PLPPR1: variants seen among roughly 807,000 people sequenced by gnomAD.
PLPPR1 encodes phospholipid phosphatase related 1, also known as phospholipid phosphatase-related protein type 1.
PLPPR1 carries 10 observed loss-of-function variants against 33.1 expected under a neutral mutation model. The ratio of observed to expected loss-of-function variants is 0.30; its 90% CI spans 0.19 to 0.51. The LOEUF is 0.51. Among genes scored for constraint, PLPPR1 ranks in the 20% least tolerant of loss-of-function variants. The pLI is 0.97. For missense variants in PLPPR1, 304 were observed against 408.1 expected (o/e 0.74, Z 2.20); for synonymous variants, 151 against 151.0 (o/e 1.00, Z 0.00).
chr9:101,274,966 C>T (rs1396332965), intron 3 of PLPPR1, among the ~76,000 whole-genome samples: 1 of 152,198 alleles, frequency 6.6e-6, no homozygotes, highest in East Asian at 1.9e-4. Flanking sequence ...AATGAACATT[C>T]TCATCAGAAG....
intron 2 of PLPPR1, among the ~76,000 whole-genome samples, chr9:101,193,350 C>T (rs763956900): frequency 2.0e-5 from 3 of 152,090 alleles, no homozygotes; most frequent in Non-Finnish European, 4.4e-5. Context: ...CCATCCTGCC[C>T]TTTCAGAGAT....
rs575811752 is a variant in PLPPR1 at position 101,068,077 on chromosome 9, T to C, written c.-46+38975T>C. Among the ~76,000 whole-genome samples, 4 of 152,214 alleles carry C rather than the reference T, an allele frequency of 2.6e-5. No homozygotes were observed. In the South Asian group the frequency reaches 8.3e-4, roughly 31 times the overall value. ...ACAAAAGCCTATTCAGAAAATAATA[T>C]GGTTGATCCACTATTATAAGGGCAA... On this transcript the variant is annotated intron_variant, in intron 1 of 7. Coordinates refer to ENST00000374874, the MANE Select transcript of PLPPR1 (RefSeq NM_207299.2).
chr9:101,273,382 T>C lies in PLPPR1; in HGVS notation c.252+3314T>C, dbSNP rs1828132831. On this transcript the variant is annotated intron_variant, in intron 3 of 7. Transcript: ENST00000374874. ...CCCGGAAACTATGCCTATGGAGTTG[T>C]TACACCATATATTGACTCCTACAGG... Among the ~76,000 whole-genome samples, 9 of 152,334 alleles carry C rather than the reference T, an allele frequency of 5.9e-5. No homozygotes were observed. In the South Asian group the frequency reaches 1.9e-3, roughly 32 times the overall value.
chr9:101,085,211 C>T (rs575377648), intron 1 of PLPPR1, among the ~76,000 whole-genome samples: 1 of 152,250 alleles, frequency 6.6e-6, no homozygotes, highest in South Asian at 2.1e-4. Context: ...GTCCAGATGG[C>T]ATTCATATCC....
intron 2 of PLPPR1, among the ~76,000 whole-genome samples, chr9:101,266,119 G>C (rs574678832): frequency 5.1e-4 from 77 of 151,172 alleles, no homozygotes; most frequent in African/African-American, 1.8e-3. Context: ...CAGGGAGTTT[G>C]AGGATTGCTT....
chr9:101,124,967 AG>A (rs1219044329), intron 1 of PLPPR1, among the ~76,000 whole-genome samples: 4 of 152,232 alleles, frequency 2.6e-5, no homozygotes, highest in African/African-American at 9.6e-5. Context: ...TGGAGAGAAA[AG>A]AAAGAGCATT....
intron 2 of PLPPR1, among the ~76,000 whole-genome samples, chr9:101,257,400 C>A (rs1305747095): frequency 6.6e-6 from 1 of 152,134 alleles, no homozygotes; most frequent in Non-Finnish European, 1.5e-5. Flanking sequence ...ACTTATTCAA[C>A]CAATATTTTA....
intron 6 of PLPPR1, among the ~76,000 whole-genome samples, chr9:101,315,922 T>C (rs114198418): frequency 8.5e-5 from 13 of 152,196 alleles, no homozygotes; most frequent in Non-Finnish European, 1.5e-5. Context: ...GGGAAGGAAG[T>C]TATTAGCTGA....
chr9:101,091,883 T>G (rs1260325300), intron 1 of PLPPR1, among the ~76,000 whole-genome samples: 1 of 152,246 alleles, frequency 6.6e-6, no homozygotes, highest in East Asian at 1.9e-4. Context: ...AACTCTCACT[T>G]GAATTGTGCA....
At chr9:101,113,827 G>A (rs1200481628) in intron 1 of PLPPR1, among the ~76,000 whole-genome samples, 2 of 152,066 alleles carry the variant, frequency 1.3e-5, no homozygotes, top group Non-Finnish European at 2.9e-5. Flanking sequence ...GAAACATGAA[G>A]CTCTGTGGTT....
intron 2 of PLPPR1, among the ~76,000 whole-genome samples, chr9:101,259,850 T>A (rs1827865585): frequency 6.6e-6 from 1 of 152,160 alleles, no homozygotes; most frequent in South Asian, 2.1e-4. Flanking sequence ...CTGGTTAGCC[T>A]TTCCAGAGGA....
rs377262701 is a variant in PLPPR1, at chr9:101,211,204, A to T, written c.63+25647A>T. ...ATAAGATTCATTAAGATGGTAAGAA[A>T]AAAAGGCAGCCCCTGCCACCCAGGA... On this transcript the variant is annotated intron_variant, in intron 2 of 7. Transcript: ENST00000374874. Among the ~76,000 whole-genome samples the T allele has an allele frequency of 3.2e-4, 49 of 152,280 alleles. 2 individuals are homozygous for T. The highest frequency in any genetic ancestry group is 3.1e-3 in the South Asian group (15 of 4,816).
At chr9:101,109,288 T>A (rs1039094625) in intron 1 of PLPPR1, among the ~76,000 whole-genome samples, 2 of 152,016 alleles carry the variant, frequency 1.3e-5, no homozygotes, top group Admixed American at 6.6e-5. Context: ...CTCAGTATTT[T>A]TGAAGGGTAT....
At chr9:101,165,559 A>G (rs2118679919) in intron 1 of PLPPR1, among the ~76,000 whole-genome samples, 1 of 152,324 alleles carries the variant, frequency 6.6e-6, no homozygotes, top group East Asian at 1.9e-4. Flanking sequence ...GCAGCATGGT[A>G]TTTTTAAAAG....
intron 7 of PLPPR1, among the ~76,000 whole-genome samples, chr9:101,318,134 C>A (rs1193543644): frequency 2.0e-5 from 3 of 152,032 alleles, no homozygotes; most frequent in Non-Finnish European, 4.4e-5. Context: ...AGTTGAAGAC[C>A]AACCTGGGCA....
At chr9:101,141,617 A>G (rs943894642) in intron 1 of PLPPR1, among the ~76,000 whole-genome samples, 7 of 152,222 alleles carry the variant, frequency 4.6e-5, no homozygotes, top group African/African-American at 1.7e-4. Context: ...AAAAACATTT[A>G]TTGAACAAGG....
At chr9:101,157,684 G>T (rs1205498310) in intron 1 of PLPPR1, among the ~76,000 whole-genome samples, 1 of 152,080 alleles carries the variant, frequency 6.6e-6, no homozygotes, top group Non-Finnish European at 1.5e-5. Flanking sequence ...TCAAGAGAGT[G>T]GTGTCACAGA....
intron 2 of PLPPR1, among the ~76,000 whole-genome samples, chr9:101,194,753 C>CAAAA (rs11439112): frequency 0.12 from 14,351 of 116,284 alleles, 978 homozygotes; most frequent in East Asian, 0.27. Flanking sequence ...AACTCCATCT[C>CAAAA]AAAAAAAAAA....
At chr9:101,176,643 C>G (rs1181617194) in intron 1 of PLPPR1, among the ~76,000 whole-genome samples, 1 of 152,064 alleles carries the variant, frequency 6.6e-6, no homozygotes, top group Non-Finnish European at 1.5e-5. Context: ...AGGGGCCCCT[C>G]TCTACCCATG....
Sources: allele counts gnomAD v4.1 joint callset (sites outside exome capture counted in the v4.1 genomes callset), GRCh38; gene constraint gnomAD v4.1.1; transcripts MANE v1.5; gene names NCBI Gene and HGNC (gene_info 2026-07-23, HGNC 2026-07-21).